Variants in BFAR observed in about 807,000 individuals in gnomAD.
The protein encoded by BFAR is RING finger protein 47.
Under a neutral mutation model 54.4 loss-of-function variants are expected in BFAR, and 52 were observed. That is an observed-to-expected ratio of 0.96 (90% CI 0.77 to 1.21). The LOEUF (loss-of-function observed/expected upper bound fraction) is 1.21, where lower values mean the gene tolerates loss of function less well. Among genes scored for constraint, BFAR ranks in the 50% most tolerant of loss-of-function variants. BFAR has a pLI of 0.00. For synonymous variants in BFAR, 215 were observed against 204.3 expected (o/e 1.05, Z -0.45); for missense variants, 571 against 534.0 (o/e 1.07, Z -0.68).
chr16:14,652,420 A>G (rs910715567), intron 4 of BFAR, among the ~76,000 whole-genome samples: 2 of 151,194 alleles, frequency 1.3e-5, no homozygotes, highest in Non-Finnish European at 2.9e-5. Flanking sequence ...AGCTAGGATT[A>G]TAGGCGCCTG....
intron 4 of BFAR, 50 bp from the exon 5 acceptor site, chr16:14,655,016 T>G: frequency 6.6e-7 from 1 of 1,523,024 alleles, no homozygotes; most frequent in Non-Finnish European, 8.8e-7. Flanking sequence ...TGTAGAGAGT[T>G]TGCTTCCAGT....
At chr16:14,637,863 A>G (rs559588787) in intron 1 of BFAR, among the ~76,000 whole-genome samples, 9 of 151,654 alleles carry the variant, frequency 5.9e-5, no homozygotes, top group African/African-American at 1.7e-4. Flanking sequence ...TTTTCCTGCA[A>G]TGTATTTTAT....
chr16:14,662,019 C>G lies in BFAR; in HGVS notation c.911C>G (p.Pro304Arg), dbSNP rs1423549436. The change falls in exon 6 of 8, where the codon CCT becomes CGT. Residue 304 changes from proline to arginine, a missense_variant. Coordinates refer to ENST00000261658, the MANE Select transcript of BFAR (RefSeq NM_016561.3). Reference protein sequence around the residue: ...TFLPFIHTICPLQEDSSGEDI... With the variant: ...TFLPFIHTICRLQEDSSGEDI... ...CTACCTTTCATCCACACCATCTGCCCTCTGCAAGAAGACAGCTCTGGGGAG... is the reference window on the plus strand; with the variant it reads ...CTACCTTTCATCCACACCATCTGCCGTCTGCAAGAAGACAGCTCTGGGGAG... The G allele has an allele frequency of 6.2e-7, 1 of 1,614,160 alleles. No individual in the cohort carries two copies. The highest frequency in any genetic ancestry group is 1.7e-5 in the Admixed American group (1 of 60,010).
At chr16:14,661,845 C>T (rs1960296705) in intron 5 of BFAR, 47 bp from the exon 6 acceptor site, 2 of 1,598,192 alleles carry the variant, frequency 1.3e-6, no homozygotes, top group South Asian at 1.1e-5. Context: ...GGGTGGGTAG[C>T]TGGCCGCCAT....
Position 14,667,683 on chromosome 16 carries a change from G to C in BFAR, c.1209G>C (p.Gln403His). ...MWSHFWKVST[Q>H]GLFVAMFWPL... is the part of the protein sequence containing the mutation. ...GCCATTTCTGGAAAGTATCAACGCA[G>C]GGGCTTTTTGTGGCCATGTTCTGGC... The change falls in exon 8 of 8, where the codon CAG becomes CAC. Residue 403 changes from glutamine to histidine, a missense_variant. Coordinates refer to ENST00000261658, the MANE Select transcript of BFAR (RefSeq NM_016561.3). 6.2e-7 allele frequency: 1 copy of C among 1,614,204 alleles called. No individual in the cohort carries two copies. Among genetic ancestry groups the C allele is most frequent in the Non-Finnish European group, 8.5e-7 (1 of 1,180,026 alleles).
At chr16:14,656,431 G>A (rs539936275) in intron 5 of BFAR, among the ~76,000 whole-genome samples, 2 of 151,732 alleles carry the variant, frequency 1.3e-5, no homozygotes, top group African/African-American at 4.8e-5. Context: ...CTGAGGCTGC[G>A]CTAAACCATG....
chr16:14,648,508 T>C lies in BFAR; in HGVS notation c.384T>C (p.Pro128=). The C allele has an allele frequency of 6.2e-7, 1 of 1,613,950 alleles. No individual in the cohort carries two copies. Among genetic ancestry groups the C allele is most frequent in the Non-Finnish European group, 8.5e-7 (1 of 1,179,844 alleles). ...AFQKYGNDQI[P]LAPNTGRANQ... ...AGAAATATGGGAATGATCAGATTCC[T>C]TTAGCTCCTAACACAGGCCGAGCGA... The change falls in exon 3 of 8, where the codon CCT becomes CCC. Residue 128 remains proline, a synonymous_variant. Coordinates refer to ENST00000261658, the MANE Select transcript of BFAR (RefSeq NM_016561.3).
rs1172631385 is a variant in BFAR, at chr16:14,648,454, T to G, written c.330T>G (p.Asn110Lys). The stretch of plus-strand genomic sequence containing the variant: ...GATTTGAAGACATTCAGCAGAATAA[T>G]GACATAGTCCAAAGTCTTGCAGCCT... ...RLRFEDIQQN[N>K]DIVQSLAAFQ... Residue 110 changes from asparagine to lysine, a missense_variant, in exon 3 of 8, where the codon AAT (asparagine) becomes AAG (lysine). Coordinates refer to ENST00000261658, the MANE Select transcript of BFAR (RefSeq NM_016561.3). 1 of 1,613,772 alleles carries G rather than the reference T, an allele frequency of 6.2e-7. No homozygotes were observed. Among genetic ancestry groups the G allele is most frequent in the Non-Finnish European group, 8.5e-7 (1 of 1,179,774 alleles).
At chr16:14,654,479 CTAAG>C (rs1960064497) in intron 4 of BFAR, among the ~76,000 whole-genome samples, 1 of 145,930 alleles carries the variant, frequency 6.9e-6, no homozygotes, top group African/African-American at 2.5e-5. Context: ...CCTTATTTCT[CTAAG>C]TGAGTTTTCC....
intron 1 of BFAR, among the ~76,000 whole-genome samples, chr16:14,639,372 A>G (rs1052512970): frequency 4.1e-4 from 62 of 151,948 alleles, no homozygotes; most frequent in African/African-American, 1.5e-3. Context: ...CAGTGGTGCA[A>G]TCTTGTATCA....
At chr16:14,647,130 G>C (rs1055782864) in intron 2 of BFAR, among the ~76,000 whole-genome samples, 2 of 151,650 alleles carry the variant, frequency 1.3e-5, no homozygotes, top group African/African-American at 2.4e-5. Context: ...TGTTGCCCAG[G>C]CTGGAGTGCA....
chr16:14,643,474 A>C (rs1027636184), intron 1 of BFAR, among the ~76,000 whole-genome samples: 1 of 152,256 alleles, frequency 6.6e-6, no homozygotes, highest in Non-Finnish European at 1.5e-5. Flanking sequence ...TTTGAAAAGT[A>C]TAACAAATAG....
chr16:14,640,085 G>C (rs1161349444), intron 1 of BFAR, among the ~76,000 whole-genome samples: 1 of 151,298 alleles, frequency 6.6e-6, no homozygotes, highest in East Asian at 1.9e-4. Context: ...TGGGGAGGTC[G>C]AGGCTACAGT....
chr16:14,664,964 G>A lies in BFAR; in HGVS notation c.1053G>A (p.Trp351Ter), dbSNP rs1252264811. The part of the protein sequence containing the change: ...YQLIAEFAWD[W>*]LEVHYWTSRF... ...TGATTGCTGAGTTTGCTTGGGACTG[G>A]TTGGAGGTCCATTACTGGACATCAC... Residue 351 changes from tryptophan to a stop codon, truncating the protein, a stop_gained, in exon 7 of 8, where the codon TGG (tryptophan) becomes TGA (stop). Coordinates refer to ENST00000261658, the MANE Select transcript of BFAR (RefSeq NM_016561.3). LOFTEE classifies it high-confidence loss of function. 6.2e-7 allele frequency: 1 copy of A among 1,613,862 alleles called. No homozygotes were observed.
chr16:14,655,266 A>AT (rs1183339060), intron 5 of BFAR, 56 bp downstream of exon 5: 65 of 1,146,064 alleles, frequency 5.7e-5, no homozygotes, highest in Non-Finnish European at 6.5e-5. Flanking sequence ...TTTTTTGTTA[A>AT]TTTTTTTTAA....
In BFAR at chr16:14,657,731, G is replaced by A. The variant is rs56663506; in HGVS notation, c.783+2521G>A. On this transcript the variant is annotated intron_variant, in intron 5 of 7. Transcript: ENST00000261658. ...CTAATTTTGTATTTTTAGTAGAGGC[G>A]GAGTTTTGCCATATTGGCCAGGCTA... 2.8e-3 allele frequency among the ~76,000 whole-genome samples: 419 copies of A among 151,890 alleles called. 3 individuals are homozygous for A. The highest frequency in any genetic ancestry group is 0.012 in the Admixed American group (189 of 15,230).
At chr16:14,657,824 T>A (rs1265137099) in intron 5 of BFAR, among the ~76,000 whole-genome samples, 1 of 152,202 alleles carries the variant, frequency 6.6e-6, no homozygotes, top group Non-Finnish European at 1.5e-5. Context: ...ATTACAGGCG[T>A]GAGCCACTGC....
intron 7 of BFAR, among the ~76,000 whole-genome samples, chr16:14,666,585 A>T (rs1960447415): frequency 1.3e-5 from 2 of 151,994 alleles, no homozygotes; most frequent in Admixed American, 1.3e-4. Flanking sequence ...AAACCCCCAA[A>T]AACTTAGAAG....
At chr16:14,657,838 C>T (rs1289358191) in intron 5 of BFAR, among the ~76,000 whole-genome samples, 1 of 152,210 alleles carries the variant, frequency 6.6e-6, no homozygotes, top group Admixed American at 6.5e-5. Flanking sequence ...CCACTGCGCC[C>T]AGCCAAGCTG....
Sources: gnomAD v4.1 joint callset for allele counts (sites outside exome capture counted in the v4.1 genomes callset) on GRCh38, gnomAD v4.1.1 for gene constraint, MANE v1.5 for transcripts, NCBI Gene and HGNC (gene_info 2026-07-23, HGNC 2026-07-21) for gene names.